Variants in UBE2Z observed in about 807,000 individuals in gnomAD.
UBE2Z encodes ubiquitin conjugating enzyme E2 Z.
Under a neutral mutation model 32.6 loss-of-function variants are expected in UBE2Z, and 10 were observed. The ratio of observed to expected loss-of-function variants is 0.31; its 90% CI spans 0.19 to 0.52. The LOEUF is 0.52. Among genes scored for constraint, UBE2Z ranks in the 20% least tolerant of loss-of-function variants. The pLI is 0.97. For missense variants in UBE2Z, 343 were observed against 480.9 expected, an observed-to-expected ratio of 0.71 and a Z score of 2.68; for synonymous variants, 183 against 190.8, an observed-to-expected ratio of 0.96 and a Z score of 0.34.
chr17:48,917,237 G>T (rs558535030), intron 4 of UBE2Z, among the ~76,000 whole-genome samples: 6 of 152,216 alleles, frequency 3.9e-5, no homozygotes, highest in African/African-American at 7.2e-5. Flanking sequence ...CCCAGGTGGT[G>T]GAGCTTACAG....
At chr17:48,911,015 G>A (rs999562942) in intron 2 of UBE2Z, 135 bp downstream of exon 2, 1 of 758,114 alleles carries the variant, frequency 1.3e-6, no homozygotes, top group Non-Finnish European at 2.3e-6. Context: ...AGAGTAAGTG[G>A]CTTGTCCAAG....
chr17:48,926,044 CAATT>C (rs2040795844), intron 6 of UBE2Z, among the ~76,000 whole-genome samples: 1 of 152,120 alleles, frequency 6.6e-6, no homozygotes. Context: ...ACTTTGGGGA[CAATT>C]AAACCTTTCT....
chr17:48,910,925 G>T (rs1455519747), intron 2 of UBE2Z, 45 bp downstream of exon 2: 3 of 1,453,428 alleles, frequency 2.1e-6, no homozygotes, highest in Non-Finnish European at 2.9e-6. Flanking sequence ...GAAATTGGGG[G>T]CCATAAGGTT....
intron 1 of UBE2Z, among the ~76,000 whole-genome samples, chr17:48,909,508 T>A (rs554859558): frequency 6.7e-6 from 1 of 149,496 alleles, no homozygotes; most frequent in Non-Finnish European, 1.5e-5. Flanking sequence ...GATTGTAATA[T>A]CCCACTCAGG....
In UBE2Z at chr17:48,929,034, C is replaced by T; in HGVS notation, c.*1900C>T. On this transcript the variant is annotated 3_prime_UTR_variant, in exon 7 of 7. Coordinates refer to ENST00000360943, the MANE Select transcript of UBE2Z (RefSeq NM_023079.5). ...GTTTTTTTTGTTTTCCTTTTTGGTGCAATAAAGTTTGTTTTGGCAGAAGGA... is the reference window on the plus strand; with the variant it reads ...GTTTTTTTTGTTTTCCTTTTTGGTGTAATAAAGTTTGTTTTGGCAGAAGGA... 6.6e-6 allele frequency: 1 copy of T among 152,264 alleles called. No homozygotes were observed. The highest frequency in any genetic ancestry group is 1.9e-4 in the East Asian group (1 of 5,182). 9.4% of individuals were successfully genotyped at this position (152,264 alleles called of 1,614,324 possible). A position where few individuals can be genotyped will look rare whatever the true frequency, so the allele number is the denominator to read the frequency against.
intron 3 of UBE2Z, among the ~76,000 whole-genome samples, chr17:48,915,312 C>G (rs1225232882): frequency 1.3e-5 from 2 of 152,130 alleles, no homozygotes; most frequent in Non-Finnish European, 2.9e-5. Context: ...CAGAAGCAGG[C>G]AGTCAACTTG....
Position 48,921,143 on chromosome 17 carries a change from C to T in UBE2Z, c.691-17C>T. 1.9e-6 allele frequency: 3 copies of T among 1,594,818 alleles called. No homozygotes were observed. The highest frequency in any genetic ancestry group is 2.6e-6 in the Non-Finnish European group (3 of 1,168,974). ...TTGCTTAATTTTTGGAATACTCTGG[C>T]ATCTGTTACATTATAGGAGAGACAT... On this transcript the variant is annotated splice_polypyrimidine_tract_variant and intron_variant, in intron 4 of 6. Transcript: ENST00000360943.
At chr17:48,911,175 G>A in intron 2 of UBE2Z, 1 of 367,104 alleles carries the variant, frequency 2.7e-6, no homozygotes, top group Non-Finnish European at 5.1e-6. Context: ...AAATGCTCCT[G>A]TTTGGATAAT....
chr17:48,926,960 A>G lies in UBE2Z; in HGVS notation c.895-4A>G. The G allele has an allele frequency of 6.2e-7, 1 of 1,611,584 alleles. No individual in the cohort carries two copies. The highest frequency in any genetic ancestry group is 1.9e-4 in the Middle Eastern group (1 of 5,378). On this transcript the variant is annotated splice_region_variant and splice_polypyrimidine_tract_variant and intron_variant, in intron 6 of 6. Transcript: ENST00000360943. ...TTCCATCCCCTTGTCTCCTTTCCCC[A>G]CAGGACCCTTTTGGAGAGAAGCGGG...
At position 48,927,284 on chromosome 17, in the gene UBE2Z, T is replaced by C. The variant is rs1019644451; in HGVS notation, c.*150T>C. On this transcript the variant is annotated 3_prime_UTR_variant, in exon 7 of 7. Transcript: ENST00000360943. The stretch of plus-strand genomic sequence containing the variant: ...AACCAAGCAAGCTCCGATCCCAGGG[T>C]GTGGGAGTGGGGGCCTGTTCCCGGT... 2.4e-6 allele frequency: 2 copies of C among 835,944 alleles called. No homozygotes were observed. The highest frequency in any genetic ancestry group is 3.7e-6 in the Non-Finnish European group (2 of 547,128). 51.8% of individuals were successfully genotyped at this position (835,944 alleles called of 1,614,324 possible).
At chr17:48,924,368 G>A (rs2040782843) in intron 6 of UBE2Z, among the ~76,000 whole-genome samples, 1 of 152,176 alleles carries the variant, frequency 6.6e-6, no homozygotes, top group Non-Finnish European at 1.5e-5. Context: ...AGCCCTGAGG[G>A]TTGATCACAG....
chr17:48,920,740 G>A (rs565121224), intron 4 of UBE2Z, among the ~76,000 whole-genome samples: 68 of 152,214 alleles, frequency 4.5e-4, no homozygotes, highest in African/African-American at 1.6e-3. Context: ...TTGTTGTCTA[G>A]GCTGAACCCA....
intron 6 of UBE2Z, 132 bp downstream of exon 6, chr17:48,923,069 C>G: frequency 1.3e-6 from 1 of 798,506 alleles, no homozygotes; most frequent in South Asian, 2.0e-5. Context: ...TGCCTGTAAT[C>G]CCAGCACTTT....
At chr17:48,913,239 C>T (rs1385172715) in intron 3 of UBE2Z, among the ~76,000 whole-genome samples, 1 of 152,170 alleles carries the variant, frequency 6.6e-6, no homozygotes, top group African/African-American at 2.4e-5. Flanking sequence ...AAGTGGTTCT[C>T]TTAAGAGTGT....
At chr17:48,909,118 C>T (rs2040654622) in intron 1 of UBE2Z, 1 of 180,902 alleles carries the variant, frequency 5.5e-6, no homozygotes, top group South Asian at 1.2e-4. Flanking sequence ...CTCCCACCTC[C>T]GGGTGGAAAC....
intron 4 of UBE2Z, among the ~76,000 whole-genome samples, chr17:48,916,418 A>G (rs1262812194): frequency 6.6e-6 from 1 of 151,278 alleles, no homozygotes; most frequent in Non-Finnish European, 1.5e-5. Context: ...ATGCCTGGCT[A>G]ATTTTTATAT....
At chr17:48,916,705 G>A (rs999271396) in intron 4 of UBE2Z, among the ~76,000 whole-genome samples, 1 of 151,554 alleles carries the variant, frequency 6.6e-6, no homozygotes, top group Non-Finnish European at 1.5e-5. Flanking sequence ...ATTTTTTGCC[G>A]ACCACTGTGG....
At chr17:48,919,283 C>G (rs958998251) in intron 4 of UBE2Z, among the ~76,000 whole-genome samples, 2 of 151,850 alleles carry the variant, frequency 1.3e-5, no homozygotes. Context: ...CGCGCCTGGC[C>G]CATCAGCTAT....
chr17:48,924,878 A>G (rs2040787388), intron 6 of UBE2Z, among the ~76,000 whole-genome samples: 1 of 150,350 alleles, frequency 6.7e-6, no homozygotes, highest in African/African-American at 2.4e-5. Context: ...CAAAAATTAT[A>G]GATAGACTAA....
Sources: allele counts gnomAD v4.1 joint callset (sites outside exome capture counted in the v4.1 genomes callset), GRCh38; gene constraint gnomAD v4.1.1; transcripts MANE v1.5; gene names NCBI Gene and HGNC (gene_info 2026-07-23, HGNC 2026-07-21).